Variants in PTPRD observed in about 807,000 individuals in gnomAD.
The protein encoded by PTPRD is protein tyrosine phosphatase receptor type D, also known as receptor-type tyrosine-protein phosphatase delta.
A neutral mutation model predicts 214.5 loss-of-function variants in PTPRD; 34 were observed. The ratio of observed to expected loss-of-function variants is 0.16; its 90% confidence interval spans 0.12 to 0.21. PTPRD has a LOEUF of 0.21. Among genes scored for constraint, PTPRD ranks in the 10% least tolerant of loss-of-function variants. The pLI is 1.00. For missense variants in PTPRD, 2,545 were observed against 2,398.7 expected, an observed-to-expected ratio of 1.06 and a Z score of -1.27; for synonymous variants, 1,128 against 845.7, an observed-to-expected ratio of 1.33 and a Z score of -5.79.
chr9:8,378,174 TTG>T lies in PTPRD; in HGVS notation c.4387-1450_4387-1449del, dbSNP rs2083833846. On this transcript the variant is annotated intron_variant, in intron 37 of 45. Transcript: ENST00000381196. ...GCCTTAATAAGATGTAAAGAATATT[TTG>T]TGTGTTTCCTAGTTGTACAAAATAG... Among the ~76,000 whole-genome samples, 5 of 152,182 alleles carry T rather than the reference TTG, an allele frequency of 3.3e-5. No homozygotes were observed. In the South Asian group the frequency reaches 6.2e-4, roughly 19 times the overall value.
chr9:8,450,936 G>GA (rs1555002947), intron 33 of PTPRD, among the ~76,000 whole-genome samples: 1 of 151,884 alleles, frequency 6.6e-6, no homozygotes, highest in Non-Finnish European at 1.5e-5. Flanking sequence ...TTTTTACTGT[G>GA]GGGGGGAAAA....
At chr9:9,120,552 T>C (rs1436701722) in intron 10 of PTPRD, among the ~76,000 whole-genome samples, 1 of 152,204 alleles carries the variant, frequency 6.6e-6, no homozygotes, top group Admixed American at 6.5e-5. Flanking sequence ...TTAGATTTAG[T>C]CAAACATTTG....
intron 4 of PTPRD, among the ~76,000 whole-genome samples, chr9:10,028,054 G>A (rs2154127384): frequency 6.6e-6 from 1 of 152,218 alleles, no homozygotes; most frequent in Non-Finnish European, 1.5e-5. Flanking sequence ...ATGTGTTGTG[G>A]GAGGGACCTG....
At chr9:10,560,029 T>C (rs2063512823) in intron 2 of PTPRD, among the ~76,000 whole-genome samples, 1 of 152,150 alleles carries the variant, frequency 6.6e-6, no homozygotes, top group Non-Finnish European at 1.5e-5. Context: ...GAACTAGAAA[T>C]ACCATTTGAC....
chr9:9,245,530 A>G (rs922862129), intron 9 of PTPRD, among the ~76,000 whole-genome samples: 6 of 152,098 alleles, frequency 3.9e-5, no homozygotes, highest in African/African-American at 1.4e-4. Flanking sequence ...CAAAAAACCA[A>G]ACACTGCATG....
At chr9:10,015,931 A>T (rs941198944) in intron 4 of PTPRD, among the ~76,000 whole-genome samples, 1 of 152,120 alleles carries the variant, frequency 6.6e-6, no homozygotes, top group Non-Finnish European at 1.5e-5. Flanking sequence ...GTGTCCCATA[A>T]ACCTCTCTCT....
chr9:10,394,065 T>TAG (rs1461518501), intron 2 of PTPRD, among the ~76,000 whole-genome samples: 41 of 144,664 alleles, frequency 2.8e-4, no homozygotes, highest in African/African-American at 1.0e-3. Context: ...ATTATATATA[T>TAG]ATATATATAT....
At position 9,371,578 on chromosome 9, in the gene PTPRD, G is replaced by A. The variant is rs369506255; in HGVS notation, c.-203+25871C>T. Among the ~76,000 whole-genome samples the A allele has an allele frequency of 1.1e-3, 174 of 152,144 alleles. 3 individuals are homozygous for A. The East Asian group carries it at 0.026, about 23-fold the overall frequency. On this transcript the variant is annotated intron_variant, in intron 9 of 45. Transcript: ENST00000381196. Reference sequence around the variant, plus strand: ...CAAAAAACCAGCTCCTGGATTCATTGATTTTTTGAAGGGTTTTTTGTGTCT... The same window carrying A: ...CAAAAAACCAGCTCCTGGATTCATTAATTTTTTGAAGGGTTTTTTGTGTCT...
chr9:10,126,241 C>A (rs1235200355), intron 3 of PTPRD, among the ~76,000 whole-genome samples: 14 of 152,096 alleles, frequency 9.2e-5, no homozygotes, highest in Non-Finnish European at 2.1e-4. Context: ...ACTTGCTTTA[C>A]AATTACCACC....
intron 2 of PTPRD, among the ~76,000 whole-genome samples, chr9:10,520,163 G>T (rs1298148413): frequency 1.3e-5 from 2 of 152,146 alleles, no homozygotes; most frequent in African/African-American, 4.8e-5. Flanking sequence ...GTGCCAGTTT[G>T]TCAAGTTGCA....
At chr9:9,087,527 G>T (rs1217382313) in intron 10 of PTPRD, among the ~76,000 whole-genome samples, 1 of 151,990 alleles carries the variant, frequency 6.6e-6, no homozygotes, top group Non-Finnish European at 1.5e-5. Flanking sequence ...CTAAGAACCA[G>T]GATTGAAATA....
At chr9:9,061,029 T>A (rs1020722992) in intron 10 of PTPRD, among the ~76,000 whole-genome samples, 2 of 152,174 alleles carry the variant, frequency 1.3e-5, no homozygotes, top group East Asian at 3.8e-4. Flanking sequence ...TTCATTTCTA[T>A]ACATTTCAAA....
intron 8 of PTPRD, among the ~76,000 whole-genome samples, chr9:9,526,320 G>A (rs1290417680): frequency 2.6e-5 from 4 of 152,156 alleles, no homozygotes; most frequent in Non-Finnish European, 5.9e-5. Flanking sequence ...GGTGGGCATG[G>A]ACATGATTTT....
chr9:10,545,745 C>A (rs891111001), intron 2 of PTPRD, among the ~76,000 whole-genome samples: 1 of 152,072 alleles, frequency 6.6e-6, no homozygotes, highest in African/African-American at 2.4e-5. Flanking sequence ...CTGGAAGAAC[C>A]CCAAGCTGAG....
At chr9:9,665,137 G>A (rs1207851345) in intron 7 of PTPRD, among the ~76,000 whole-genome samples, 3 of 151,548 alleles carry the variant, frequency 2.0e-5, no homozygotes, top group Non-Finnish European at 4.4e-5. Flanking sequence ...AGAGAGAGGG[G>A]TGAGGAATAA....
chr9:9,107,851 T>C (rs1482694072), intron 10 of PTPRD, among the ~76,000 whole-genome samples: 4 of 152,200 alleles, frequency 2.6e-5, no homozygotes, highest in African/African-American at 9.6e-5. Flanking sequence ...CAGACTACCA[T>C]GCCAACTTAC....
In PTPRD at chr9:8,517,986, G is replaced by A. The variant is rs573967858; in HGVS notation, c.1405C>T (p.His469Tyr). The A allele has an allele frequency of 6.2e-7, 1 of 1,614,186 alleles. No individual in the cohort carries two copies. The highest frequency in any genetic ancestry group is 1.1e-5 in the South Asian group (1 of 91,086). ...PTQHVNNWMK[H>Y]NVADSQITTI... ...GTGATTTGGCTGTCAGCTACATTGT[G>A]TTTCATCCAGTTGTTGACATGTTGA... is the stretch of plus-strand genomic sequence containing the variant. Residue 469 changes from histidine (H) to tyrosine (Y), a missense_variant, in exon 21 of 46, where the codon CAC becomes TAC. By Grantham distance (83) the His-to-Tyr change is moderately conservative. Transcript: ENST00000381196.
intron 7 of PTPRD, among the ~76,000 whole-genome samples, chr9:9,729,986 G>C (rs1265012690): frequency 6.6e-6 from 1 of 151,952 alleles, no homozygotes; most frequent in African/African-American, 2.4e-5. Context: ...TATATGTTTG[G>C]TTTGTTCTCT....
At chr9:10,488,484 C>T (rs1430939478) in intron 2 of PTPRD, among the ~76,000 whole-genome samples, 1 of 152,150 alleles carries the variant, frequency 6.6e-6, no homozygotes, top group East Asian at 1.9e-4. Context: ...GTTCAAGGTC[C>T]TGGGACTCTA....
Sources: allele counts gnomAD v4.1 joint callset (sites outside exome capture counted in the v4.1 genomes callset), GRCh38; gene constraint gnomAD v4.1.1; transcripts MANE v1.5; gene names NCBI Gene and HGNC (gene_info 2026-07-23, HGNC 2026-07-21).